FHOD3: variants seen among roughly 807,000 people sequenced by gnomAD.
FHOD3 encodes the protein formin homology 2 domain containing 3.
In FHOD3, 90 loss-of-function variants were observed where a neutral mutation model predicts 173.0. That is an observed-to-expected ratio of 0.52 (90% confidence interval 0.44 to 0.62). The LOEUF (loss-of-function observed/expected upper bound fraction) is 0.62. FHOD3 is among the 20% of genes least tolerant of loss of function. The probability of loss-of-function intolerance (pLI) is 0.00; values close to 1 mark genes in which losing one functional copy is unlikely to be tolerated. For missense variants in FHOD3, 1,945 were observed against 2,034.7 expected, an observed-to-expected ratio of 0.96 and a Z score of 0.85; for synonymous variants, 828 against 823.0, an observed-to-expected ratio of 1.01 and a Z score of -0.10.
At position 36,526,086 on chromosome 18, in the gene FHOD3, A is replaced by G. The variant is rs2056497721; in HGVS notation, c.511+13543A>G. Among the ~76,000 whole-genome samples the G allele has an allele frequency of 3.9e-5, 6 of 152,196 alleles. No individual in the cohort carries two copies. In the South Asian group the frequency reaches 1.0e-3, roughly 26 times the overall value. ...ATGCTCTTATCTCAGTGTTCTTTGCATCTCCTGTTTACTCATTGATTAATC... is the reference window on the plus strand; with the variant it reads ...ATGCTCTTATCTCAGTGTTCTTTGCGTCTCCTGTTTACTCATTGATTAATC... On this transcript the variant is annotated intron_variant, in intron 5 of 28. Coordinates refer to ENST00000590592, the MANE Select transcript of FHOD3 (RefSeq NM_001281740.3).
intron 3 of FHOD3, among the ~76,000 whole-genome samples, chr18:36,380,403 AC>A (rs1340327162): frequency 6.6e-6 from 1 of 152,016 alleles, no homozygotes; most frequent in Admixed American, 6.6e-5. Flanking sequence ...GGATAGAGCC[AC>A]GTTACTGGTC....
At chr18:36,324,545 A>C (rs191688928) in intron 1 of FHOD3, among the ~76,000 whole-genome samples, 1 of 152,372 alleles carries the variant, frequency 6.6e-6, no homozygotes, top group East Asian at 1.9e-4. Flanking sequence ...CTTAAATAAG[A>C]AAATGACAGT....
At chr18:36,364,127 C>T (rs1019617408) in intron 2 of FHOD3, among the ~76,000 whole-genome samples, 2 of 152,106 alleles carry the variant, frequency 1.3e-5, no homozygotes, top group African/African-American at 4.8e-5. Context: ...CTGCCCCACA[C>T]CCTTGTCATA....
At chr18:36,336,521 C>T (rs1383585173) in intron 1 of FHOD3, among the ~76,000 whole-genome samples, 3 of 152,010 alleles carry the variant, frequency 2.0e-5, no homozygotes, top group African/African-American at 4.8e-5. Context: ...GTTCATTGAC[C>T]ATCCTCAGCA....
At position 36,388,445 on chromosome 18, in the gene FHOD3, GTT is replaced by G. The variant is rs111493644; in HGVS notation, c.337+15702_337+15703del. Among the ~76,000 whole-genome samples the G allele has an allele frequency of 1.3e-3, 197 of 152,354 alleles. 2 individuals are homozygous for G. The highest frequency in any genetic ancestry group is 4.4e-3 in the African/African-American group (185 of 41,584). ...ACTGTCTGGGCCATAGCTAGCGCCAGTTGTGTTCATGTCCATCTTGCCTTCTT... is the reference window on the plus strand; with the variant it reads ...ACTGTCTGGGCCATAGCTAGCGCCAGGTGTTCATGTCCATCTTGCCTTCTT... On this transcript the variant is annotated intron_variant, in intron 3 of 28. Coordinates refer to ENST00000590592, the MANE Select transcript of FHOD3 (RefSeq NM_001281740.3).
At position 36,525,658 on chromosome 18, in the gene FHOD3, G is replaced by T. The variant is rs539129524; in HGVS notation, c.511+13115G>T. 2.6e-5 allele frequency among the ~76,000 whole-genome samples: 4 copies of T among 152,318 alleles called. No homozygotes were observed. The South Asian group carries it at 8.3e-4, about 32-fold the overall frequency. On this transcript the variant is annotated intron_variant, in intron 5 of 28. Transcript: ENST00000590592. ...TCAGAGGTCTTTTGTAGGGGAATCAGGGAAGATATCATGAGGGCAGCAACC... is the reference window on the plus strand; with the variant it reads ...TCAGAGGTCTTTTGTAGGGGAATCATGGAAGATATCATGAGGGCAGCAACC...
At chr18:36,541,887 A>G (rs908776835) in intron 5 of FHOD3, among the ~76,000 whole-genome samples, 1 of 152,198 alleles carries the variant, frequency 6.6e-6, no homozygotes, top group Admixed American at 6.5e-5. Context: ...CCTTTCTTCT[A>G]AGTACTCAGA....
intron 5 of FHOD3, among the ~76,000 whole-genome samples, chr18:36,573,443 GAA>G (rs58181229): frequency 9.9e-5 from 14 of 141,080 alleles, no homozygotes; most frequent in African/African-American, 1.8e-4. Flanking sequence ...TATCTCTACA[GAA>G]AAAAAAAAAA....
At chr18:36,453,738 A>T (rs950575117) in intron 3 of FHOD3, among the ~76,000 whole-genome samples, 12 of 152,152 alleles carry the variant, frequency 7.9e-5, no homozygotes, top group Non-Finnish European at 1.8e-4. Context: ...AAGCTGGCAC[A>T]GCACAGGCAG....
chr18:36,571,084 A>G lies in FHOD3; in HGVS notation c.512-5367A>G, dbSNP rs145108976. 2.0e-3 allele frequency among the ~76,000 whole-genome samples: 307 copies of G among 152,282 alleles called. 1 individual carries two copies. The highest frequency in any genetic ancestry group is 7.0e-3 in the African/African-American group (293 of 41,574). On this transcript the variant is annotated intron_variant, in intron 5 of 28. Transcript: ENST00000590592. Reference sequence around the variant, plus strand: ...GAAATAAAATTGTTCTTTTTCACAAACAGCATTATTGTCTATGTACAAAAT... The same window carrying G: ...GAAATAAAATTGTTCTTTTTCACAAGCAGCATTATTGTCTATGTACAAAAT...
chr18:36,613,070 C>T (rs2032853876), intron 9 of FHOD3, among the ~76,000 whole-genome samples: 2 of 152,344 alleles, frequency 1.3e-5, no homozygotes, highest in South Asian at 2.1e-4. Flanking sequence ...CTTCTGTCTG[C>T]ACTCAAATCC....
rs117261533 is a variant in FHOD3 at position 36,372,170 on chromosome 18, T to G, written c.273-510T>G. Among the ~76,000 whole-genome samples, 848 of 152,308 alleles carry G rather than the reference T, an allele frequency of 5.6e-3. 3 individuals carry two copies. Among genetic ancestry groups the G allele is most frequent in the Non-Finnish European group, 9.0e-3 (614 of 68,020 alleles). On this transcript the variant is annotated intron_variant, in intron 2 of 28. Coordinates refer to ENST00000590592, the MANE Select transcript of FHOD3 (RefSeq NM_001281740.3). The stretch of plus-strand genomic sequence containing the variant: ...AATAAGTAGTCTGTAAGCCTTCTTT[T>G]GTAGATTCCCATTTTCCTGTAAAAG...
intron 1 of FHOD3, among the ~76,000 whole-genome samples, chr18:36,328,464 G>C (rs1230997066): frequency 6.6e-6 from 1 of 152,176 alleles, no homozygotes; most frequent in Admixed American, 6.5e-5. Flanking sequence ...CAAGGAGAAA[G>C]AGGAGCTGTG....
intron 3 of FHOD3, among the ~76,000 whole-genome samples, chr18:36,481,910 A>G (rs868562395): frequency 6.6e-6 from 1 of 152,166 alleles, no homozygotes; most frequent in Admixed American, 6.5e-5. Context: ...AAATTAATTC[A>G]TGTTTCCTCA....
At chr18:36,726,290 ATGT>A (rs1302192231) in intron 19 of FHOD3, among the ~76,000 whole-genome samples, 5 of 152,136 alleles carry the variant, frequency 3.3e-5, no homozygotes, top group South Asian at 2.1e-4. Flanking sequence ...TCTCAAGAAA[ATGT>A]TGTCATTTTC....
At chr18:36,629,446 G>C (rs1386037523) in intron 10 of FHOD3, among the ~76,000 whole-genome samples, 4 of 152,178 alleles carry the variant, frequency 2.6e-5, no homozygotes, top group Non-Finnish European at 5.9e-5. Context: ...AAAAACAGGT[G>C]GTAGGCCAGA....
At chr18:36,530,257 T>C (rs1403031839) in intron 5 of FHOD3, among the ~76,000 whole-genome samples, 1 of 152,182 alleles carries the variant, frequency 6.6e-6, no homozygotes, top group Admixed American at 6.5e-5. Flanking sequence ...TGATTTGGCC[T>C]TTCCTGACCA....
At chr18:36,660,657 A>G (rs1434453776) in intron 14 of FHOD3, among the ~76,000 whole-genome samples, 2 of 152,220 alleles carry the variant, frequency 1.3e-5, no homozygotes, top group African/African-American at 2.4e-5. Context: ...ATACTGGAAG[A>G]AAAGCAAATT....
At chr18:36,386,338 T>C (rs1015860048) in intron 3 of FHOD3, among the ~76,000 whole-genome samples, 15 of 152,078 alleles carry the variant, frequency 9.9e-5, no homozygotes, top group African/African-American at 3.4e-4. Flanking sequence ...GCAAGGGTGA[T>C]GTGGGTGGCC....
Sources: gnomAD v4.1 joint callset for allele counts (sites outside exome capture counted in the v4.1 genomes callset) on GRCh38, gnomAD v4.1.1 for gene constraint, MANE v1.5 for transcripts, NCBI Gene and HGNC (gene_info 2026-07-23, HGNC 2026-07-21) for gene names.